Variants in FMNL2 observed in about 807,000 individuals in gnomAD.
The protein encoded by FMNL2 is formin-like protein 2.
In FMNL2, 51 loss-of-function variants were observed where a neutral mutation model predicts 130.2. That is an observed-to-expected ratio of 0.39 (90% confidence interval 0.31 to 0.49). The LOEUF (loss-of-function observed/expected upper bound fraction) is 0.49, where lower values mean the gene tolerates loss of function less well. Among genes scored for constraint, FMNL2 ranks in the 20% least tolerant of loss-of-function variants. FMNL2 has a pLI of 0.85. For missense variants in FMNL2, 977 were observed against 1,316.2 expected, an observed-to-expected ratio of 0.74 and a Z score of 3.99; for synonymous variants, 465 against 467.1, an observed-to-expected ratio of 1.00 and a Z score of 0.06.
At chr2:152,345,911 A>T (rs929020342) in intron 1 of FMNL2, among the ~76,000 whole-genome samples, 1 of 152,160 alleles carries the variant, frequency 6.6e-6, no homozygotes, top group Admixed American at 6.5e-5. Context: ...CTCAGGGTCC[A>T]CTTTTTGGAA....
chr2:152,589,195 T>A (rs1205992880), intron 9 of FMNL2, among the ~76,000 whole-genome samples: 1 of 152,044 alleles, frequency 6.6e-6, no homozygotes, highest in Non-Finnish European at 1.5e-5. Context: ...AATGTAGAGA[T>A]GCTTTGCTTC....
intron 1 of FMNL2, among the ~76,000 whole-genome samples, chr2:152,383,831 A>G (rs148374383): frequency 1.3e-5 from 2 of 152,194 alleles, no homozygotes; most frequent in Admixed American, 6.5e-5. Context: ...AGGAGAAGTC[A>G]TCATCAGTTT....
chr2:152,489,294 C>T (rs902647166), intron 1 of FMNL2, among the ~76,000 whole-genome samples: 1 of 152,250 alleles, frequency 6.6e-6, no homozygotes, highest in African/African-American at 2.4e-5. Context: ...GAAGGAAATA[C>T]TCCATCTGGG....
chr2:152,460,428 G>C (rs1689174539), intron 1 of FMNL2, among the ~76,000 whole-genome samples: 1 of 152,210 alleles, frequency 6.6e-6, no homozygotes, highest in African/African-American at 2.4e-5. Context: ...TTGTCACAAA[G>C]CTCAGTTAAA....
intron 9 of FMNL2, among the ~76,000 whole-genome samples, chr2:152,589,020 C>T (rs983697182): frequency 2.0e-5 from 3 of 151,618 alleles, no homozygotes; most frequent in East Asian, 1.9e-4. Context: ...CTTTCTCCAC[C>T]GAGAGTCATC....
chr2:152,608,741 T>C (rs1698526286), intron 10 of FMNL2, among the ~76,000 whole-genome samples: 1 of 152,112 alleles, frequency 6.6e-6, no homozygotes, highest in African/African-American at 2.4e-5. Context: ...GTTTCTTTCT[T>C]GTGCCTTTTT....
intron 1 of FMNL2, among the ~76,000 whole-genome samples, chr2:152,491,672 A>G (rs1350992083): frequency 6.6e-6 from 1 of 152,210 alleles, no homozygotes; most frequent in Non-Finnish European, 1.5e-5. Context: ...TAGATCAGCC[A>G]GGGTGTGATG....
chr2:152,358,881 A>C (rs1182755607), intron 1 of FMNL2, among the ~76,000 whole-genome samples: 1 of 152,182 alleles, frequency 6.6e-6, no homozygotes, highest in African/African-American at 2.4e-5. Flanking sequence ...TAGAAGTACA[A>C]TTGTTGGGTC....
chr2:152,452,662 G>A (rs1025874574), intron 1 of FMNL2, among the ~76,000 whole-genome samples: 3 of 151,868 alleles, frequency 2.0e-5, no homozygotes, highest in African/African-American at 7.2e-5. Flanking sequence ...GGGCTATTAA[G>A]TATGTGTGTG....
At chr2:152,412,623 A>C (rs988217758) in intron 1 of FMNL2, among the ~76,000 whole-genome samples, 1 of 146,234 alleles carries the variant, frequency 6.8e-6, no homozygotes, top group African/African-American at 2.6e-5. Flanking sequence ...CCTGGGCAAC[A>C]TAGCAAGACC....
chr2:152,520,326 G>A (rs1340845308), intron 1 of FMNL2, among the ~76,000 whole-genome samples: 2 of 152,138 alleles, frequency 1.3e-5, no homozygotes, highest in East Asian at 3.9e-4. Flanking sequence ...AGGCATGGTG[G>A]CTCACGCCTG....
chr2:152,406,727 C>A (rs751815525), intron 1 of FMNL2, among the ~76,000 whole-genome samples: 9 of 152,112 alleles, frequency 5.9e-5, no homozygotes, highest in Admixed American at 3.9e-4. Flanking sequence ...AGAATTTAAC[C>A]ATATGACCTT....
intron 9 of FMNL2, among the ~76,000 whole-genome samples, chr2:152,606,721 T>G (rs1426388648): frequency 2.0e-5 from 3 of 151,786 alleles, no homozygotes; most frequent in Non-Finnish European, 4.4e-5. Flanking sequence ...TATTTTATGT[T>G]TGTTTCATCT....
At chr2:152,350,277 C>T (rs1212776138) in intron 1 of FMNL2, among the ~76,000 whole-genome samples, 1 of 152,026 alleles carries the variant, frequency 6.6e-6, no homozygotes, top group Non-Finnish European at 1.5e-5. Context: ...AGGGTCATTC[C>T]ACAGCATATG....
chr2:152,519,402 C>T (rs60680957), intron 1 of FMNL2, among the ~76,000 whole-genome samples: 1 of 152,170 alleles, frequency 6.6e-6, no homozygotes, highest in African/African-American at 2.4e-5. Context: ...GAACGAAAGA[C>T]TCTTTAATCA....
intron 1 of FMNL2, among the ~76,000 whole-genome samples, chr2:152,339,419 T>C (rs1247581110): frequency 1.3e-5 from 2 of 152,240 alleles, no homozygotes; most frequent in African/African-American, 4.8e-5. Flanking sequence ...TGTCCGAGAA[T>C]ACCTGTTTCT....
At chr2:152,397,802 G>A (rs1257187432) in intron 1 of FMNL2, among the ~76,000 whole-genome samples, 1 of 152,046 alleles carries the variant, frequency 6.6e-6, no homozygotes, top group Non-Finnish European at 1.5e-5. Flanking sequence ...TCTTCTCTGT[G>A]AGCCAGCGTT....
intron 1 of FMNL2, among the ~76,000 whole-genome samples, chr2:152,448,871 T>C (rs1035403924): frequency 6.6e-6 from 1 of 152,234 alleles, no homozygotes; most frequent in African/African-American, 2.4e-5. Context: ...ATTTCCTACA[T>C]CTCTCATGCT....
At chr2:152,385,097 C>T (rs946445966) in intron 1 of FMNL2, among the ~76,000 whole-genome samples, 4 of 152,196 alleles carry the variant, frequency 2.6e-5, no homozygotes, top group Non-Finnish European at 5.9e-5. Flanking sequence ...GAGACACCCT[C>T]CCCACAAAGT....
Sources: allele counts gnomAD v4.1 joint callset (sites outside exome capture counted in the v4.1 genomes callset), GRCh38; gene constraint gnomAD v4.1.1; transcripts MANE v1.5; gene names NCBI Gene and HGNC (gene_info 2026-07-23, HGNC 2026-07-21).